Variants in CA10 observed in about 807,000 individuals in gnomAD.
CA10 encodes carbonic anhydrase-related protein 10.
A neutral mutation model predicts 44.2 loss-of-function variants in CA10; 14 were observed. The ratio of observed to expected loss-of-function variants is 0.32; its 90% CI spans 0.21 to 0.50. CA10 has a LOEUF of 0.50. Ranked by LOEUF, CA10 falls within the 20% of genes least tolerant of loss-of-function variation. CA10 has a pLI of 0.99. For synonymous variants in CA10, 159 were observed against 141.6 expected (o/e 1.12, Z -0.87); for missense variants, 350 against 409.7 (o/e 0.85, Z 1.26).
rs1172886790 is a variant in CA10, at chr17:51,656,052, C to T, written c.466-2316G>A. 5.3e-5 allele frequency among the ~76,000 whole-genome samples: 8 copies of T among 152,212 alleles called. No homozygotes were observed. In the East Asian group the frequency reaches 1.5e-3, roughly 29 times the overall value. ...AGAACCAGGGACTGGGGGGTTCTCACACACTCAGCACACCTCCCTTCCAGT... is the reference window on the plus strand; with the variant it reads ...AGAACCAGGGACTGGGGGGTTCTCATACACTCAGCACACCTCCCTTCCAGT... On this transcript the variant is annotated intron_variant, in intron 4 of 8. Transcript: ENST00000451037.
At chr17:52,155,316 A>G (rs1477158922) in intron 1 of CA10, among the ~76,000 whole-genome samples, 1 of 152,178 alleles carries the variant, frequency 6.6e-6, no homozygotes, top group Non-Finnish European at 1.5e-5. Flanking sequence ...TCACAGGGTT[A>G]TGTTCCTTTC....
chr17:51,817,025 G>A (rs1907588865), intron 3 of CA10, among the ~76,000 whole-genome samples: 1 of 152,210 alleles, frequency 6.6e-6, no homozygotes, highest in Non-Finnish European at 1.5e-5. Flanking sequence ...AAAGCCATTA[G>A]CCCATCCTGA....
intron 1 of CA10, among the ~76,000 whole-genome samples, chr17:52,132,958 A>C (rs1003639800): frequency 6.6e-6 from 1 of 152,154 alleles, no homozygotes; most frequent in African/African-American, 2.4e-5. Flanking sequence ...GGCTTAAATC[A>C]GTGCTACCTC....
At chr17:51,665,676 G>GT (rs1175154671) in intron 4 of CA10, among the ~76,000 whole-genome samples, 2 of 152,208 alleles carry the variant, frequency 1.3e-5, no homozygotes, top group Non-Finnish European at 2.9e-5. Flanking sequence ...TGCACAGCAT[G>GT]TTACCGTACT....
chr17:51,979,999 A>G (rs1448400268), intron 2 of CA10, among the ~76,000 whole-genome samples: 1 of 152,116 alleles, frequency 6.6e-6, no homozygotes, highest in African/African-American at 2.4e-5. Context: ...GTTCACATGC[A>G]TGTGTCTTTA....
intron 4 of CA10, among the ~76,000 whole-genome samples, chr17:51,701,406 G>A (rs879377558): frequency 4.6e-5 from 7 of 152,174 alleles, no homozygotes; most frequent in Non-Finnish European, 7.3e-5. Flanking sequence ...ATAAGGTCAC[G>A]TTCAGAGGTT....
At chr17:51,969,395 T>A (rs1212696136) in intron 2 of CA10, among the ~76,000 whole-genome samples, 1 of 152,074 alleles carries the variant, frequency 6.6e-6, no homozygotes, top group East Asian at 1.9e-4. Flanking sequence ...GACAGAGCTG[T>A]AATTTCACTG....
Position 51,633,897 on chromosome 17 carries a change from G to A in CA10, c.790-247C>T, listed in dbSNP as rs545641791. Among the ~76,000 whole-genome samples the A allele has an allele frequency of 7.9e-5, 12 of 152,122 alleles. No individual in the cohort carries two copies. In the South Asian group the frequency reaches 1.2e-3, roughly 16 times the overall value. ...GTATGCCTCTGAACAAGTCACTTGC[G>A]CTCTCTCACCCTCAAATGCAGCATC... On this transcript the variant is annotated intron_variant, in intron 7 of 8. Transcript: ENST00000451037.
At chr17:51,750,349 T>C (rs557965604) in intron 3 of CA10, among the ~76,000 whole-genome samples, 25 of 152,300 alleles carry the variant, frequency 1.6e-4, no homozygotes, top group East Asian at 1.2e-3. Flanking sequence ...TTCACTTGCA[T>C]ATATGTATAT....
chr17:51,675,967 A>T (rs1461620477), intron 4 of CA10, among the ~76,000 whole-genome samples: 1 of 152,206 alleles, frequency 6.6e-6, no homozygotes, highest in African/African-American at 2.4e-5. Flanking sequence ...TCTTGTAGGG[A>T]CATGAAGCAC....
At chr17:51,894,817 A>G (rs969249351) in intron 3 of CA10, among the ~76,000 whole-genome samples, 2 of 152,128 alleles carry the variant, frequency 1.3e-5, no homozygotes, top group Admixed American at 6.6e-5. Context: ...AATAGACCCA[A>G]TAACTCTGTA....
intron 3 of CA10, among the ~76,000 whole-genome samples, chr17:51,788,186 C>T: frequency 6.6e-6 from 1 of 152,046 alleles, no homozygotes; most frequent in Non-Finnish European, 1.5e-5. Context: ...CAATTTCCTT[C>T]TGAATTTCTT....
At chr17:51,854,342 AG>A (rs1249282928) in intron 3 of CA10, among the ~76,000 whole-genome samples, 1 of 152,206 alleles carries the variant, frequency 6.6e-6, no homozygotes, top group African/African-American at 2.4e-5. Flanking sequence ...ACCTAGGATT[AG>A]GTCTAGGCAT....
chr17:52,137,644 G>T (rs150910880), intron 1 of CA10, among the ~76,000 whole-genome samples: 2,061 of 152,094 alleles, frequency 0.014, 20 homozygotes, highest in Middle Eastern at 0.031. Flanking sequence ...TTGGCACTCA[G>T]CTCCAGAAGC....
intron 1 of CA10, among the ~76,000 whole-genome samples, chr17:52,124,707 C>G (rs1490777922): frequency 6.6e-6 from 1 of 152,184 alleles, no homozygotes; most frequent in African/African-American, 2.4e-5. Context: ...TGCCTCTAAG[C>G]CTTTGCCTAT....
chr17:51,904,528 A>G (rs569706292), intron 3 of CA10, among the ~76,000 whole-genome samples: 2 of 152,092 alleles, frequency 1.3e-5, no homozygotes, highest in Non-Finnish European at 2.9e-5. Context: ...AGCTCCTTTT[A>G]TATTTGCTAG....
intron 3 of CA10, among the ~76,000 whole-genome samples, chr17:51,872,328 T>G (rs1272510291): frequency 5.3e-5 from 8 of 152,186 alleles, no homozygotes. Context: ...CCCAGCAAAG[T>G]GTCTTGAATC....
chr17:51,805,065 T>C (rs1907076522), intron 3 of CA10, among the ~76,000 whole-genome samples: 1 of 152,204 alleles, frequency 6.6e-6, no homozygotes, highest in Non-Finnish European at 1.5e-5. Context: ...TATGTGACTG[T>C]CTTGCTGGGA....
chr17:52,065,907 A>C (rs972105542), intron 2 of CA10, among the ~76,000 whole-genome samples: 1 of 152,200 alleles, frequency 6.6e-6, no homozygotes, highest in African/African-American at 2.4e-5. Flanking sequence ...TCATGTGGAC[A>C]GTTACTCCCA....
Sources: gnomAD v4.1 joint callset for allele counts (sites outside exome capture counted in the v4.1 genomes callset) on GRCh38, gnomAD v4.1.1 for gene constraint, MANE v1.5 for transcripts, NCBI Gene and HGNC (gene_info 2026-07-23, HGNC 2026-07-21) for gene names.